Variants in ZNF438 observed in about 807,000 individuals in gnomAD.
ZNF438 encodes the protein zinc finger protein 438.
ZNF438 carries 25 observed loss-of-function variants against 38.0 expected under a neutral mutation model. The ratio of observed to expected loss-of-function variants is 0.66; its 90% CI spans 0.48 to 0.92. The LOEUF (loss-of-function observed/expected upper bound fraction) is 0.92, where lower values mean the gene tolerates loss of function less well. Ranked by LOEUF, ZNF438 falls within the 40% of genes least tolerant of loss-of-function variation. ZNF438 has a pLI of 0.00. For synonymous variants in ZNF438, 372 were observed against 364.1 expected (o/e 1.02, Z -0.25); for missense variants, 1,007 against 999.6 (o/e 1.01, Z -0.10).
Position 30,953,653 on chromosome 10 carries a change from T to TAC in ZNF438, c.-191-12004_-191-12003dup, listed in dbSNP as rs577376877. Reference sequence around the variant, plus strand: ...AAATATAATAATAAAAAAAAAAACATACACACACACACACACAAAAAAAAA... The same window carrying TAC: ...AAATATAATAATAAAAAAAAAAACATACACACACACACACACACAAAAAAAAA... On this transcript the variant is annotated intron_variant, in intron 1 of 5. Transcript: ENST00000413025. 8.4e-5 allele frequency among the ~76,000 whole-genome samples: 8 copies of TAC among 95,130 alleles called. No homozygotes were observed. The East Asian group carries it at 9.4e-4, about 11-fold the overall frequency. 62.4% of individuals were successfully genotyped at this position (95,130 alleles called of 152,430 possible). A position where few individuals can be genotyped will look rare whatever the true frequency, so the allele number is the denominator to read the frequency against.
In ZNF438 at chr10:30,849,161, ACT is replaced by A. The variant is rs2033022979; in HGVS notation, c.1242_1243del (p.Arg414SerfsTer4). The A allele has an allele frequency of 3.7e-6, 6 of 1,612,788 alleles. No homozygotes were observed. The African/African-American group carries it at 6.7e-5, about 18-fold the overall frequency. On this transcript the variant is annotated frameshift_variant, in exon 5 of 6. Transcript: ENST00000413025. LOFTEE classifies it high-confidence loss of function. ...TCTGAATTCTTGGGGATCATTTTTTACTCTTTCTTTACCATCTCTACACTTAT... is the reference window on the plus strand; with the variant it reads ...TCTGAATTCTTGGGGATCATTTTTTACTTTCTTTACCATCTCTACACTTAT...
chr10:30,952,070 T>A (rs573169483), intron 1 of ZNF438, among the ~76,000 whole-genome samples: 25,881 of 143,084 alleles, frequency 0.18, 3,296 homozygotes, highest in Middle Eastern at 0.29. Flanking sequence ...TCAATGGAAC[T>A]GAACAGAGCC....
intron 1 of ZNF438, among the ~76,000 whole-genome samples, chr10:30,993,769 C>T (rs1282461969): frequency 6.6e-6 from 1 of 152,238 alleles, no homozygotes; most frequent in South Asian, 2.1e-4. Flanking sequence ...CTGCGAAAGC[C>T]ACAGGCACCC....
At chr10:30,991,844 G>A (rs540117755) in intron 1 of ZNF438, among the ~76,000 whole-genome samples, 12 of 152,298 alleles carry the variant, frequency 7.9e-5, no homozygotes, top group African/African-American at 2.6e-4. Flanking sequence ...ATGGGCACAA[G>A]CCACACAGAT....
intron 4 of ZNF438, among the ~76,000 whole-genome samples, chr10:30,861,015 G>C (rs1380870056): frequency 2.2e-4 from 34 of 152,146 alleles, no homozygotes; most frequent in Non-Finnish European, 1.5e-5. Context: ...AGAAAGAAAA[G>C]TTAGGCACTG....
chr10:30,938,098 A>G (rs2046437004), intron 2 of ZNF438, among the ~76,000 whole-genome samples: 2 of 152,132 alleles, frequency 1.3e-5, no homozygotes, highest in South Asian at 4.2e-4. Context: ...AAAAATATCT[A>G]TGGATGACTC....
intron 1 of ZNF438, among the ~76,000 whole-genome samples, chr10:30,982,781 A>G (rs951650250): frequency 1.3e-5 from 2 of 152,218 alleles, no homozygotes; most frequent in Non-Finnish European, 2.9e-5. Flanking sequence ...TCCTTCTTAT[A>G]AGTCTTTTAA....
intron 5 of ZNF438, among the ~76,000 whole-genome samples, 165 bp downstream of exon 6, chr10:30,848,366 G>A (rs2032776227): frequency 6.6e-6 from 1 of 152,142 alleles, no homozygotes; most frequent in Admixed American, 6.5e-5. Flanking sequence ...AAACCAGAGA[G>A]AAACAAGATC....
At chr10:30,869,595 T>G (rs2037060680) in intron 4 of ZNF438, among the ~76,000 whole-genome samples, 1 of 152,212 alleles carries the variant, frequency 6.6e-6, no homozygotes, top group Non-Finnish European at 1.5e-5. Context: ...TGTTTTCCAT[T>G]TGTTCTTCTG....
At chr10:30,855,688 A>G (rs1292745891) in intron 4 of ZNF438, among the ~76,000 whole-genome samples, 1 of 152,260 alleles carries the variant, frequency 6.6e-6, no homozygotes, top group Middle Eastern at 3.2e-3. Context: ...TAATCATCCA[A>G]CCATACAATG....
chr10:30,959,945 ACTGT>A (rs2049287969), intron 1 of ZNF438, among the ~76,000 whole-genome samples: 1 of 147,212 alleles, frequency 6.8e-6, no homozygotes, highest in Non-Finnish European at 1.5e-5. Context: ...GACACTATAT[ACTGT>A]CTTTTTTATT....
exon 2 of ZNF438, chr10:30,941,636 T>A (rs982535504): frequency 6.6e-6 from 1 of 150,834 alleles, no homozygotes; most frequent in Non-Finnish European, 1.5e-5. Flanking sequence ...GGATGGGAAA[T>A]GGCATTCATT....
chr10:30,909,289 A>C (rs529557317), intron 2 of ZNF438, among the ~76,000 whole-genome samples: 1 of 152,292 alleles, frequency 6.6e-6, no homozygotes, highest in Admixed American at 6.5e-5. Flanking sequence ...GAAATGCTTA[A>C]CTTTTGTTTC....
intron 1 of ZNF438, among the ~76,000 whole-genome samples, chr10:30,947,207 A>G (rs1237857676): frequency 6.6e-6 from 1 of 152,206 alleles, no homozygotes; most frequent in African/African-American, 2.4e-5. Flanking sequence ...TCTCGAGTTG[A>G]AGGCCACCAA....
chr10:30,863,005 T>C (rs1361842829), intron 4 of ZNF438, among the ~76,000 whole-genome samples: 1 of 152,282 alleles, frequency 6.6e-6, no homozygotes, highest in Non-Finnish European at 1.5e-5. Context: ...ATGCTTTATC[T>C]TCACTGCTGA....
intron 1 of ZNF438, among the ~76,000 whole-genome samples, chr10:30,962,888 C>A (rs73252674): frequency 6.6e-6 from 1 of 152,052 alleles, no homozygotes; most frequent in African/African-American, 2.4e-5. Flanking sequence ...AAACTGGTTT[C>A]GTTTCTGTGT....
At chr10:30,966,905 C>T (rs910743994) in intron 1 of ZNF438, among the ~76,000 whole-genome samples, 2 of 152,124 alleles carry the variant, frequency 1.3e-5, no homozygotes, top group Admixed American at 6.5e-5. Flanking sequence ...AGACAGTTTA[C>T]TTTGCCTACA....
At chr10:30,986,520 G>A (rs2052808207) in intron 1 of ZNF438, among the ~76,000 whole-genome samples, 1 of 152,222 alleles carries the variant, frequency 6.6e-6, no homozygotes, top group African/African-American at 2.4e-5. Flanking sequence ...ACCATTTGCA[G>A]TCATGCACTC....
chr10:30,934,917 T>C (rs895280315), intron 2 of ZNF438, among the ~76,000 whole-genome samples: 2 of 152,240 alleles, frequency 1.3e-5, no homozygotes, highest in African/African-American at 4.8e-5. Context: ...CCACAGTGTT[T>C]GGAACTTACA....
Sources: gnomAD v4.1 joint callset for allele counts (sites outside exome capture counted in the v4.1 genomes callset) on GRCh38, gnomAD v4.1.1 for gene constraint, MANE v1.5 for transcripts, NCBI Gene and HGNC (gene_info 2026-07-23, HGNC 2026-07-21) for gene names.